CLEC16A: variants seen among roughly 807,000 people sequenced by gnomAD.
CLEC16A encodes the protein C-type lectin domain containing 16A, also known as protein CLEC16A.
Under a neutral mutation model 109.5 loss-of-function variants are expected in CLEC16A, and 51 were observed. The observed-to-expected ratio is 0.47, with a 90% CI of 0.37 to 0.59. CLEC16A has a LOEUF of 0.59. Ranked by LOEUF, CLEC16A falls within the 20% of genes least tolerant of loss-of-function variation. The probability of loss-of-function intolerance (pLI) is 0.00; values close to 1 mark genes in which losing one functional copy is unlikely to be tolerated. For synonymous variants in CLEC16A, 673 were observed against 564.2 expected (o/e 1.19, Z -2.73); for missense variants, 1,339 against 1,394.0 (o/e 0.96, Z 0.63).
intron 23 of CLEC16A, among the ~76,000 whole-genome samples, chr16:11,172,610 C>T (rs996178440): frequency 6.6e-6 from 1 of 152,146 alleles, no homozygotes; most frequent in Non-Finnish European, 1.5e-5. Context: ...CAAAAACGGC[C>T]AAGTGCAGTG....
At chr16:11,162,800 C>G (rs936416392) in intron 22 of CLEC16A, among the ~76,000 whole-genome samples, 2 of 152,224 alleles carry the variant, frequency 1.3e-5, no homozygotes, top group Non-Finnish European at 2.9e-5. Context: ...CTTCTGTTCT[C>G]TGTTCTGCAC....
intron 11 of CLEC16A, among the ~76,000 whole-genome samples, chr16:11,011,085 T>C (rs1408598616): frequency 1.3e-5 from 2 of 152,194 alleles, no homozygotes; most frequent in African/African-American, 4.8e-5. Flanking sequence ...CCAGTTTCTG[T>C]ATTGTGTAAT....
intron 22 of CLEC16A, among the ~76,000 whole-genome samples, chr16:11,144,269 C>T (rs968581378): frequency 1.3e-5 from 2 of 152,228 alleles, no homozygotes; most frequent in Non-Finnish European, 1.5e-5. Context: ...TGGGGCGTCC[C>T]TGCAGCCTGC....
intron 22 of CLEC16A, among the ~76,000 whole-genome samples, chr16:11,158,565 G>T (rs2054613005): frequency 6.6e-6 from 1 of 152,042 alleles, no homozygotes; most frequent in African/African-American, 2.4e-5. Flanking sequence ...AGACTCAAAA[G>T]CCCCCCACCT....
chr16:11,133,807 C>G (rs2053389741), intron 22 of CLEC16A, among the ~76,000 whole-genome samples: 1 of 152,176 alleles, frequency 6.6e-6, no homozygotes, highest in Non-Finnish European at 1.5e-5. Flanking sequence ...TGGAGTCACA[C>G]AGGAAGAAGG....
chr16:11,016,048 A>C (rs1597056095), intron 11 of CLEC16A, among the ~76,000 whole-genome samples: 2 of 152,274 alleles, frequency 1.3e-5, no homozygotes, highest in Non-Finnish European at 2.9e-5. Context: ...TTAAGCATAC[A>C]TCTCCCAAAT....
At chr16:11,023,034 A>T (rs924673263) in intron 12 of CLEC16A, among the ~76,000 whole-genome samples, 1 of 150,146 alleles carries the variant, frequency 6.7e-6, no homozygotes, top group Non-Finnish European at 1.5e-5. Context: ...ATAAAGGGGG[A>T]AAAAGTCTTC....
chr16:11,021,397 G>A lies in CLEC16A; in HGVS notation c.1436+1072G>A, dbSNP rs577394407. On this transcript the variant is annotated intron_variant, in intron 12 of 23. Coordinates refer to ENST00000409790, the MANE Select transcript of CLEC16A (RefSeq NM_015226.3). ...AAAATAAGTAATTCTAAACACAGAC[G>A]GTTGGGGACAACCTTGGCACAGCAT... 2.0e-5 allele frequency among the ~76,000 whole-genome samples: 3 copies of A among 152,310 alleles called. No homozygotes were observed. The South Asian group carries it at 6.2e-4, about 32-fold the overall frequency.
At position 11,126,022 on chromosome 16, in the gene CLEC16A, G is replaced by A; in HGVS notation, c.2517G>A (p.Gly839=). The change falls in exon 22 of 24, where the codon GGG becomes GGA. Residue 839 remains glycine (G), a synonymous_variant. Coordinates refer to ENST00000409790, the MANE Select transcript of CLEC16A (RefSeq NM_015226.3). ...TCCAGCCCACCACTGAAGTCCTGGGGTTTGGACTCGGCTCCTCCACCTCCA... is the reference window on the plus strand; with the variant it reads ...TCCAGCCCACCACTGAAGTCCTGGGATTTGGACTCGGCTCCTCCACCTCCA... ...LPIQPTTEVL[G]FGLGSSTSTQ... is the part of the protein sequence containing the mutation. 6.2e-7 allele frequency: 1 copy of A among 1,613,324 alleles called. No homozygotes were observed. The highest frequency in any genetic ancestry group is 8.5e-7 in the Non-Finnish European group (1 of 1,179,814).
intron 10 of CLEC16A, among the ~76,000 whole-genome samples, chr16:11,000,897 G>A (rs2152747457): frequency 6.6e-6 from 1 of 152,162 alleles, no homozygotes; most frequent in Non-Finnish European, 1.5e-5. Context: ...TGGTCGTTTG[G>A]GGTAAATTCA....
chr16:11,129,636 C>T (rs947676111), intron 22 of CLEC16A, among the ~76,000 whole-genome samples: 2 of 152,230 alleles, frequency 1.3e-5, no homozygotes, highest in Admixed American at 6.5e-5. Flanking sequence ...TGTCTGTACC[C>T]AGATGTTGGT....
intron 22 of CLEC16A, among the ~76,000 whole-genome samples, chr16:11,144,371 G>C (rs1459655149): frequency 1.3e-5 from 2 of 152,126 alleles, no homozygotes; most frequent in South Asian, 4.1e-4. Flanking sequence ...GCTCCTCCAG[G>C]CAGACAGCTG....
intron 15 of CLEC16A, 43 bp downstream of exon 15, chr16:11,042,406 GGGACAGGA>G (rs1317044003): frequency 2.8e-6 from 4 of 1,451,990 alleles, no homozygotes; most frequent in Admixed American, 2.0e-5. Context: ...CCAAGGGAGA[GGGACAGGA>G]GGACAGGAGG....
chr16:11,022,726 C>T (rs373073757), intron 12 of CLEC16A, among the ~76,000 whole-genome samples: 123 of 151,680 alleles, frequency 8.1e-4, no homozygotes, highest in African/African-American at 2.8e-3. Flanking sequence ...GGTGAAACCC[C>T]GTCTCTACTA....
chr16:11,061,505 A>G (rs931970504), intron 19 of CLEC16A, among the ~76,000 whole-genome samples: 3 of 152,352 alleles, frequency 2.0e-5, no homozygotes, highest in South Asian at 2.1e-4. Context: ...ACCTTGAGCT[A>G]CTTGTTCCGC....
At chr16:10,977,473 A>G in intron 8 of CLEC16A, 74 bp downstream of exon 8, 5 of 1,353,902 alleles carry the variant, frequency 3.7e-6, no homozygotes, top group Non-Finnish European at 5.1e-6. Context: ...AGTCCCCTGG[A>G]ATGGGGCTGA....
intron 20 of CLEC16A, 129 bp from the exon 21 acceptor site, chr16:11,123,612 CT>C (rs2052588358): frequency 8.3e-6 from 7 of 843,624 alleles, no homozygotes. Context: ...ACTTGGGAGG[CT>C]GTCGATCTTA....
intron 11 of CLEC16A, among the ~76,000 whole-genome samples, chr16:11,006,442 A>C (rs940391966): frequency 1.3e-5 from 2 of 152,154 alleles, no homozygotes; most frequent in Admixed American, 6.5e-5. Context: ...TGAGATAGAC[A>C]TGCGGCTCTT....
chr16:11,064,214 T>C (rs1245335754), intron 19 of CLEC16A, among the ~76,000 whole-genome samples: 3 of 152,168 alleles, frequency 2.0e-5, no homozygotes, highest in African/African-American at 7.2e-5. Flanking sequence ...TAGAAATACC[T>C]CTCTCTAACA....
Sources: gnomAD v4.1 joint callset for allele counts (sites outside exome capture counted in the v4.1 genomes callset) on GRCh38, gnomAD v4.1.1 for gene constraint, MANE v1.5 for transcripts, NCBI Gene and HGNC (gene_info 2026-07-23, HGNC 2026-07-21) for gene names.